The following ADAM12 variants were observed in gnomAD, a reference collection of about 807,000 sequenced individuals.
The protein encoded by ADAM12 is disintegrin and metalloproteinase domain-containing protein 12.
ADAM12 carries 70 observed loss-of-function variants against 106.4 expected under a neutral mutation model. The observed-to-expected ratio is 0.66, with a 90% CI of 0.54 to 0.80. ADAM12 has a LOEUF of 0.80. Among genes scored for constraint, ADAM12 ranks in the 30% least tolerant of loss-of-function variants. ADAM12 has a pLI of 0.00. For synonymous variants in ADAM12, 420 were observed against 433.5 expected (o/e 0.97, Z 0.39); for missense variants, 1,010 against 1,171.9 (o/e 0.86, Z 2.02).
intron 2 of ADAM12, among the ~76,000 whole-genome samples, chr10:126,323,238 G>A (rs367765816): frequency 2.0e-5 from 3 of 152,192 alleles, no homozygotes; most frequent in South Asian, 4.1e-4. Context: ...GTTCAGCCAA[G>A]CTGGAGGTGC....
At chr10:126,054,431 G>A (rs999196044) in intron 14 of ADAM12, among the ~76,000 whole-genome samples, 1 of 152,248 alleles carries the variant, frequency 6.6e-6, no homozygotes, top group Admixed American at 6.5e-5. Flanking sequence ...CATCCAAAAG[G>A]TGTGGCTGAG....
At chr10:126,213,385 T>A (rs1169855298) in intron 3 of ADAM12, among the ~76,000 whole-genome samples, 1 of 152,208 alleles carries the variant, frequency 6.6e-6, no homozygotes, top group Non-Finnish European at 1.5e-5. Context: ...TGAGAGATGA[T>A]CCCCAGATTA....
At position 126,359,368 on chromosome 10, in the gene ADAM12, G is replaced by A. The variant is rs561216207; in HGVS notation, c.88+28690C>T. Reference sequence around the variant, plus strand: ...AAGGCAACAGTCCAAAGTCTCATCCGAGACAAGGCAAGTCCCTTCTGCCTA... The same window carrying A: ...AAGGCAACAGTCCAAAGTCTCATCCAAGACAAGGCAAGTCCCTTCTGCCTA... On this transcript the variant is annotated intron_variant, in intron 1 of 22. Transcript: ENST00000448723. Among the ~76,000 whole-genome samples the A allele has an allele frequency of 1.3e-4, 20 of 152,256 alleles. No individual in the cohort carries two copies. In the South Asian group the frequency reaches 2.7e-3, roughly 20 times the overall value.
At chr10:126,194,017 T>C (rs1173316796) in intron 3 of ADAM12, among the ~76,000 whole-genome samples, 1 of 152,146 alleles carries the variant, frequency 6.6e-6, no homozygotes, top group Non-Finnish European at 1.5e-5. Flanking sequence ...ACTGCTGTTG[T>C]ACAGCCTGAA....
chr10:126,109,586 A>G (rs1430481341), intron 7 of ADAM12, among the ~76,000 whole-genome samples, 189 bp downstream of exon 7: 1 of 152,208 alleles, frequency 6.6e-6, no homozygotes. Context: ...ATTACTTTAT[A>G]TATCAAATAA....
intron 3 of ADAM12, among the ~76,000 whole-genome samples, chr10:126,222,327 G>T (rs561458163): frequency 6.6e-6 from 1 of 151,942 alleles, no homozygotes; most frequent in Non-Finnish European, 1.5e-5. Context: ...AATTGAATTG[G>T]CAGGTTCATA....
chr10:126,043,195 T>G lies in ADAM12; in HGVS notation c.1996-47A>C, dbSNP rs769207078. 2 of 1,563,066 alleles carry G rather than the reference T, an allele frequency of 1.3e-6. No individual in the cohort carries two copies. Among genetic ancestry groups the G allele is most frequent in the South Asian group, 1.1e-5 (1 of 88,240 alleles). ...ACGTGGGGTTAGGGCATATGCTCTG[T>G]GCATCACCACAGCAGAAGCAAGGGG... On this transcript the variant is annotated intron_variant, in intron 17 of 22. Transcript: ENST00000448723. This position sits in a 1 kb window ranked among gnomAD's most constrained non-coding sequence, Gnocchi z 4.1.
intron 11 of ADAM12, among the ~76,000 whole-genome samples, chr10:126,084,627 C>T (rs532815765): frequency 1.3e-4 from 20 of 152,314 alleles, no homozygotes; most frequent in Non-Finnish European, 2.5e-4. Context: ...AAAGCAGTCA[C>T]GGTAGATATC....
At chr10:126,221,380 ACT>A (rs1370805121) in intron 3 of ADAM12, among the ~76,000 whole-genome samples, 1 of 109,120 alleles carries the variant, frequency 9.2e-6, no homozygotes, top group Non-Finnish European at 2.0e-5. Flanking sequence ...ACAGAGCAAG[ACT>A]CTGTCTCAAA....
intron 13 of ADAM12, 58 bp from the exon 14 acceptor site, chr10:126,065,059 C>T: frequency 1.3e-6 from 2 of 1,521,906 alleles, no homozygotes; most frequent in East Asian, 2.4e-5. Context: ...AGGCAGCTCT[C>T]AGCATTACTC....
chr10:126,067,590 C>T (rs777161333), intron 12 of ADAM12, among the ~76,000 whole-genome samples: 9 of 152,248 alleles, frequency 5.9e-5, no homozygotes, highest in Non-Finnish European at 1.2e-4. Context: ...AAGAGATTGA[C>T]ATTTTTCGCT....
chr10:126,222,908 T>C (rs566867653), intron 3 of ADAM12, among the ~76,000 whole-genome samples: 1 of 152,290 alleles, frequency 6.6e-6, no homozygotes, highest in South Asian at 2.1e-4. Context: ...TCCAATTTCT[T>C]GGGAAATTAG....
chr10:126,317,755 C>T (rs1049754394), intron 2 of ADAM12, among the ~76,000 whole-genome samples: 1 of 152,052 alleles, frequency 6.6e-6, no homozygotes, highest in Admixed American at 6.6e-5. Flanking sequence ...TCCTTTTATA[C>T]CATTTTATTT....
chr10:126,179,034 G>C (rs1037604296), intron 3 of ADAM12, among the ~76,000 whole-genome samples: 10 of 151,612 alleles, frequency 6.6e-5, no homozygotes, highest in African/African-American at 2.4e-4. Flanking sequence ...GCAACACAGT[G>C]AGACTCTTAT....
At chr10:126,036,086 T>C in intron 21 of ADAM12, 60 bp downstream of exon 21, 1 of 1,317,368 alleles carries the variant, frequency 7.6e-7, no homozygotes, top group South Asian at 2.5e-5. Context: ...GCTCACACAT[T>C]AACAAGTAGC....
At chr10:126,135,443 G>T (rs968245222) in intron 5 of ADAM12, 141 bp downstream of exon 5, 2 of 757,924 alleles carry the variant, frequency 2.6e-6, no homozygotes, top group Non-Finnish European at 4.4e-6. Flanking sequence ...GGGCCTCCGT[G>T]TTCTCTTGCC....
intron 8 of ADAM12, among the ~76,000 whole-genome samples, chr10:126,105,759 A>C (rs1955755031): frequency 6.6e-6 from 1 of 152,132 alleles, no homozygotes; most frequent in South Asian, 2.1e-4. Context: ...TGTCTCCTCT[A>C]AGACCCACCC....
At chr10:126,355,736 T>G (rs912548423) in intron 1 of ADAM12, among the ~76,000 whole-genome samples, 2 of 152,124 alleles carry the variant, frequency 1.3e-5, no homozygotes, top group East Asian at 3.9e-4. Context: ...TAAAGAATGC[T>G]CGAGGTAGCG....
intron 1 of ADAM12, among the ~76,000 whole-genome samples, chr10:126,338,279 G>C (rs1294095193): frequency 7.9e-5 from 10 of 127,162 alleles, no homozygotes; most frequent in African/African-American, 2.6e-4. Flanking sequence ...TTGAGACGGA[G>C]TCTCGCTCTG....
Sources: gnomAD v4.1 joint callset for allele counts (sites outside exome capture counted in the v4.1 genomes callset) on GRCh38, gnomAD v4.1.1 for gene constraint, Gnocchi (gnomAD v3.1) non-coding constraint, MANE v1.5 for transcripts, NCBI Gene and HGNC (gene_info 2026-07-23, HGNC 2026-07-21) for gene names.